RNF185: variants seen among roughly 807,000 people sequenced by gnomAD.
The protein encoded by RNF185 is ring finger protein 185, also known as E3 ubiquitin-protein ligase RNF185.
RNF185 carries 13 observed loss-of-function variants against 24.9 expected under a neutral mutation model. That is an observed-to-expected ratio of 0.52 (90% CI 0.34 to 0.83). The LOEUF (loss-of-function observed/expected upper bound fraction) is 0.83, where lower values mean the gene tolerates loss of function less well. RNF185 is among the 40% of genes least tolerant of loss of function. The pLI is 0.01. For synonymous variants in RNF185, 79 were observed against 90.3 expected (o/e 0.88, Z 0.71); for missense variants, 184 against 244.7 (o/e 0.75, Z 1.65).
chr22:31,163,656 T>TTTTATTTATTTA (rs60362805), intron 1 of RNF185, among the ~76,000 whole-genome samples: 32,779 of 140,932 alleles, frequency 0.23, 4,568 homozygotes, highest in Middle Eastern at 0.33. Flanking sequence ...TTTTATTTTA[T>TTTTATTTATTTA]TTTATTTATT....
chr22:31,169,854 C>T (rs546829980), intron 1 of RNF185, among the ~76,000 whole-genome samples: 19 of 151,954 alleles, frequency 1.3e-4, no homozygotes, highest in Middle Eastern at 6.8e-3. Flanking sequence ...GCCTTCAAAC[C>T]GTACTTCTCT....
intron 1 of RNF185, among the ~76,000 whole-genome samples, chr22:31,172,564 C>G (rs2047940780): frequency 6.6e-6 from 1 of 152,030 alleles, no homozygotes; most frequent in African/African-American, 2.4e-5. Flanking sequence ...GCCTGGCCAA[C>G]AAGGTGAAAC....
At chr22:31,169,521 C>T (rs556594088) in intron 1 of RNF185, among the ~76,000 whole-genome samples, 20 of 152,156 alleles carry the variant, frequency 1.3e-4, no homozygotes, top group African/African-American at 4.8e-4. Flanking sequence ...TAATTGCTGC[C>T]TGGTTATCAT....
rs1324820249 is a variant in RNF185, at chr22:31,201,565, T to A, written c.431T>A (p.Phe144Tyr). ...QMSFGIGAFP[F>Y]GIFATAFNIN... ...TCTTTTGGAATTGGGGCATTTCCCT[T>A]TGGGATATTTGCCACAGCATTTAAT... is the stretch of plus-strand genomic sequence containing the variant. The change falls in exon 6 of 7, where the codon TTT becomes TAT. Residue 144 changes from phenylalanine to tyrosine, a missense_variant. Coordinates refer to ENST00000326132, the MANE Select transcript of RNF185 (RefSeq NM_152267.4). 40 of 1,612,404 alleles carry A rather than the reference T, an allele frequency of 2.5e-5. No individual in the cohort carries two copies. Among genetic ancestry groups the A allele is most frequent in the Non-Finnish European group, 3.3e-5 (39 of 1,179,798 alleles).
At chr22:31,183,449 G>A (rs1291473360) in intron 1 of RNF185, among the ~76,000 whole-genome samples, 1 of 151,816 alleles carries the variant, frequency 6.6e-6, no homozygotes, top group Non-Finnish European at 1.5e-5. Flanking sequence ...ATTTGGCAGG[G>A]TCATAGGACA....
Position 31,169,506 on chromosome 22 carries a change from G to A in RNF185, c.-49+9203G>A, listed in dbSNP as rs543084816. Among the ~76,000 whole-genome samples, 8 of 152,044 alleles carry A rather than the reference G, an allele frequency of 5.3e-5. No individual in the cohort carries two copies. The South Asian group carries it at 1.2e-3, about 24-fold the overall frequency. On this transcript the variant is annotated intron_variant, in intron 1 of 6. Coordinates refer to ENST00000326132, the MANE Select transcript of RNF185 (RefSeq NM_152267.4). ...CTCCTGGTTTAAAATTCTCAGAGGC[G>A]GCCCTAATTGCTGCCTGGTTATCAT... is the stretch of plus-strand genomic sequence containing the variant.
At chr22:31,199,536 G>T (rs1163567500) in intron 5 of RNF185, among the ~76,000 whole-genome samples, 1 of 152,208 alleles carries the variant, frequency 6.6e-6, no homozygotes, top group East Asian at 1.9e-4. Context: ...ATGTTTTTTT[G>T]CATACTCTGG....
At chr22:31,193,197 GA>G (rs1242699896) in intron 3 of RNF185, among the ~76,000 whole-genome samples, 1 of 152,188 alleles carries the variant, frequency 6.6e-6, no homozygotes, top group Non-Finnish European at 1.5e-5. Flanking sequence ...ACAGCCTGCT[GA>G]AAGTCTCCCT....
intron 1 of RNF185, among the ~76,000 whole-genome samples, chr22:31,173,443 G>A (rs985189472): frequency 7.4e-4 from 19 of 25,776 alleles, no homozygotes; most frequent in Middle Eastern, 0.02. Flanking sequence ...ACACACACAC[G>A]TATGTATATA....
chr22:31,193,069 AT>A (rs1171896422), intron 3 of RNF185, among the ~76,000 whole-genome samples: 1 of 152,142 alleles, frequency 6.6e-6, no homozygotes, highest in South Asian at 2.1e-4. Context: ...GAAGGGGAAA[AT>A]TTTTTTGGTG....
At chr22:31,194,222 A>T (rs9621216) in intron 3 of RNF185, among the ~76,000 whole-genome samples, 2 of 151,846 alleles carry the variant, frequency 1.3e-5, no homozygotes, top group South Asian at 2.1e-4. Context: ...TAATGTAACC[A>T]GTGAAAGGGC....
intron 5 of RNF185, among the ~76,000 whole-genome samples, chr22:31,199,764 C>T (rs1192000945): frequency 3.3e-5 from 5 of 152,124 alleles, no homozygotes; most frequent in African/African-American, 1.2e-4. Context: ...GAGATGGAAA[C>T]TCTTTGTTTT....
intron 1 of RNF185, among the ~76,000 whole-genome samples, chr22:31,167,766 A>G (rs946253667): frequency 4.0e-5 from 6 of 151,428 alleles, no homozygotes; most frequent in African/African-American, 1.5e-4. Context: ...GGCGCTCACC[A>G]CCACACCTGG....
chr22:31,179,926 A>G (rs1376185321), intron 1 of RNF185, among the ~76,000 whole-genome samples: 3 of 152,164 alleles, frequency 2.0e-5, no homozygotes, highest in Non-Finnish European at 4.4e-5. Context: ...GTGTTATTTC[A>G]TAAGGCCACC....
chr22:31,164,583 C>CTTTTT (rs200649012), intron 1 of RNF185, among the ~76,000 whole-genome samples: 9 of 91,746 alleles, frequency 9.8e-5, no homozygotes, highest in Non-Finnish European at 1.7e-4. Flanking sequence ...TCCTCATTGT[C>CTTTTT]TTTTTTTTTT....
rs1322795407 is a variant in RNF185 at position 31,192,702 on chromosome 22, G to A, written c.195G>A (p.Gln65=). Reference sequence around the variant, plus strand: ...CTGGCAGTTGGCCGTGTTTACATCAGGTAAGATGCATTTCATTTTACTTTG... The same window carrying A: ...CTGGCAGTTGGCCGTGTTTACATCAAGTAAGATGCATTTCATTTTACTTTG... ...GHLFCWPCLH[Q]WLETRPNRQV... The change falls in exon 3 of 7, where the codon CAG becomes CAA. Residue 65 remains glutamine (Q), a splice_region_variant and synonymous_variant. Transcript: ENST00000326132. 1.2e-6 allele frequency: 2 copies of A among 1,613,610 alleles called. No homozygotes were observed. The highest frequency in any genetic ancestry group is 1.1e-5 in the South Asian group (1 of 91,080).
intron 1 of RNF185, among the ~76,000 whole-genome samples, chr22:31,169,524 G>C (rs2147923640): frequency 6.6e-6 from 1 of 152,060 alleles, no homozygotes; most frequent in East Asian, 1.9e-4. Flanking sequence ...TTGCTGCCTG[G>C]TTATCATACC....
chr22:31,185,326 G>T (rs536292032), intron 1 of RNF185, among the ~76,000 whole-genome samples: 4 of 152,132 alleles, frequency 2.6e-5, no homozygotes, highest in Admixed American at 2.0e-4. Flanking sequence ...TGAGTCCACC[G>T]TGTGAAGGCA....
chr22:31,187,289 A>G lies in RNF185; in HGVS notation c.176+19A>G. 1 of 1,612,580 alleles carries G rather than the reference A, an allele frequency of 6.2e-7. No homozygotes were observed. The highest frequency in any genetic ancestry group is 1.7e-5 in the Admixed American group (1 of 59,756). On this transcript the variant is annotated intron_variant, in intron 2 of 6. Transcript: ENST00000326132. ...TCTTCTGGTCAGTACCCCTACTTCC[A>G]CCCCAGAGAGCACATTGCCAAGTTT...
Sources: allele counts gnomAD v4.1 joint callset (sites outside exome capture counted in the v4.1 genomes callset), GRCh38; gene constraint gnomAD v4.1.1; transcripts MANE v1.5; gene names NCBI Gene and HGNC (gene_info 2026-07-23, HGNC 2026-07-21).